Variants in LTBP1 observed in about 807,000 individuals in gnomAD.
LTBP1 encodes latent-transforming growth factor beta-binding protein 1.
In LTBP1, 129 loss-of-function variants were observed where a neutral mutation model predicts 207.6. The ratio of observed to expected loss-of-function variants is 0.62; its 90% CI spans 0.54 to 0.72. LTBP1 has a LOEUF of 0.72. Ranked by LOEUF, LTBP1 falls within the 30% of genes least tolerant of loss-of-function variation. LTBP1 has a pLI of 0.00. For missense variants in LTBP1, 2,281 were observed against 2,217.2 expected (o/e 1.03, Z -0.58); for synonymous variants, 963 against 833.7 (o/e 1.16, Z -2.67).
chr2:33,257,580 A>C, intron 12 of LTBP1, 69 bp downstream of exon 12: 1 of 1,309,002 alleles, frequency 7.6e-7, no homozygotes, highest in Non-Finnish European at 1.1e-6. Flanking sequence ...TTCCCTGTTT[A>C]TAACCCTCTA....
At chr2:33,162,689 T>C (rs1170160350) in intron 5 of LTBP1, among the ~76,000 whole-genome samples, 1 of 152,214 alleles carries the variant, frequency 6.6e-6, no homozygotes, top group African/African-American at 2.4e-5. Flanking sequence ...CCCTTTCTTA[T>C]CCAGTGATAG....
chr2:33,281,414 G>A (rs1260999790), intron 19 of LTBP1, among the ~76,000 whole-genome samples: 6 of 152,190 alleles, frequency 3.9e-5, no homozygotes, highest in Non-Finnish European at 8.8e-5. Flanking sequence ...GAAGAGAGCA[G>A]AAGGCCAGTG....
chr2:33,338,712 G>C (rs1317739302), intron 24 of LTBP1, among the ~76,000 whole-genome samples: 1 of 152,124 alleles, frequency 6.6e-6, no homozygotes, highest in Non-Finnish European at 1.5e-5. Context: ...GAAAGGGGTG[G>C]CATGGAGATT....
chr2:33,380,200 C>G (rs1031991477), intron 31 of LTBP1, among the ~76,000 whole-genome samples: 1 of 152,138 alleles, frequency 6.6e-6, no homozygotes, highest in Non-Finnish European at 1.5e-5. Context: ...ACAGCGTCAT[C>G]TAGTGGTGAT....
intron 2 of LTBP1, among the ~76,000 whole-genome samples, chr2:32,982,732 C>T (rs1426173542): frequency 6.6e-6 from 1 of 152,176 alleles, no homozygotes; most frequent in African/African-American, 2.4e-5. Context: ...AGGGTGCAAG[C>T]CCCGAGCCTT....
intron 2 of LTBP1, among the ~76,000 whole-genome samples, chr2:32,988,465 G>A (rs1279227099): frequency 6.6e-6 from 1 of 152,160 alleles, no homozygotes; most frequent in Non-Finnish European, 1.5e-5. Context: ...AGGTTATATG[G>A]AGCCAGCTCT....
chr2:33,141,475 A>G lies in LTBP1; in HGVS notation c.1201+6515A>G, dbSNP rs372415546. ...TAAAAACACATTTTAAAAATATAGT[A>G]TATGTGTACACTACTGTCAAATAGA... On this transcript the variant is annotated intron_variant, in intron 5 of 33. Transcript: ENST00000404816. Among the ~76,000 whole-genome samples the G allele has an allele frequency of 5.9e-5, 9 of 152,234 alleles. No individual in the cohort carries two copies. In the South Asian group the frequency reaches 6.2e-4, roughly 11 times the overall value.
intron 19 of LTBP1, among the ~76,000 whole-genome samples, chr2:33,285,430 C>G (rs1353371482): frequency 2.7e-5 from 4 of 148,582 alleles, no homozygotes; most frequent in Admixed American, 2.0e-4. Context: ...TTGGAGCATT[C>G]TCTTTTCTTT....
intron 3 of LTBP1, among the ~76,000 whole-genome samples, chr2:33,050,865 C>A (rs2149499905): frequency 6.6e-6 from 1 of 152,082 alleles, no homozygotes; most frequent in Admixed American, 6.5e-5. Flanking sequence ...TCCTGAGTAG[C>A]TGGGATTACA....
chr2:33,075,322 C>T (rs1048381999), intron 3 of LTBP1, among the ~76,000 whole-genome samples: 8 of 152,150 alleles, frequency 5.3e-5, no homozygotes, highest in Non-Finnish European at 1.2e-4. Flanking sequence ...AAAGTTGATA[C>T]ATGATTTAAA....
At chr2:33,341,740 A>ATATATATATG (rs2094627623) in intron 24 of LTBP1, among the ~76,000 whole-genome samples, 1 of 144,802 alleles carries the variant, frequency 6.9e-6, no homozygotes, top group Non-Finnish European at 1.5e-5. Flanking sequence ...ATATATATAT[A>ATATATATATG]TATATGTATA....
intron 2 of LTBP1, among the ~76,000 whole-genome samples, chr2:32,961,603 G>A (rs918394887): frequency 2.6e-5 from 4 of 151,840 alleles, no homozygotes; most frequent in African/African-American, 9.7e-5. Flanking sequence ...CATTGACTCC[G>A]CCTGCCATTT....
At chr2:33,210,032 C>T (rs1050022510) in intron 7 of LTBP1, among the ~76,000 whole-genome samples, 4 of 152,242 alleles carry the variant, frequency 2.6e-5, no homozygotes, top group Non-Finnish European at 5.9e-5. Context: ...AAAAGCTGCC[C>T]TCTTGCCATT....
At chr2:33,137,547 C>G (rs2082245168) in intron 5 of LTBP1, among the ~76,000 whole-genome samples, 1 of 152,196 alleles carries the variant, frequency 6.6e-6, no homozygotes, top group African/African-American at 2.4e-5. Flanking sequence ...GGCTGTGTTA[C>G]AAAAACATTT....
chr2:33,340,563 C>T (rs1388635973), intron 24 of LTBP1, among the ~76,000 whole-genome samples: 2 of 152,054 alleles, frequency 1.3e-5, no homozygotes, highest in African/African-American at 2.4e-5. Flanking sequence ...GGGTGACTGA[C>T]CGGAAGATGA....
intron 24 of LTBP1, 83 bp downstream of exon 24, chr2:33,315,352 A>C: frequency 6.6e-7 from 1 of 1,516,938 alleles, no homozygotes; most frequent in Non-Finnish European, 9.0e-7. Context: ...ACTTGAAGAC[A>C]CTAAGAGGTA....
chr2:33,285,607 C>T (rs2093651638), intron 19 of LTBP1, among the ~76,000 whole-genome samples: 2 of 151,604 alleles, frequency 1.3e-5, no homozygotes, highest in Admixed American at 6.6e-5. Context: ...TGCCATTATG[C>T]CCGGCTAATT....
At chr2:33,310,234 C>T (rs1423028396) in intron 23 of LTBP1, among the ~76,000 whole-genome samples, 1 of 152,222 alleles carries the variant, frequency 6.6e-6, no homozygotes, top group Non-Finnish European at 1.5e-5. Flanking sequence ...GCATGAGCCA[C>T]TGCACCTGGC....
intron 9 of LTBP1, among the ~76,000 whole-genome samples, chr2:33,240,906 T>C (rs982033214): frequency 1.3e-5 from 2 of 152,058 alleles, no homozygotes; most frequent in East Asian, 1.9e-4. Flanking sequence ...CACCTCGGCC[T>C]CCCAAAGTGC....
Sources: allele counts gnomAD v4.1 joint callset (sites outside exome capture counted in the v4.1 genomes callset), GRCh38; gene constraint gnomAD v4.1.1; transcripts MANE v1.5; gene names NCBI Gene and HGNC (gene_info 2026-07-23, HGNC 2026-07-21).